Variants in SNIP1 observed in about 807,000 individuals in gnomAD.
SNIP1 encodes the protein Smad nuclear interacting protein 1.
A neutral mutation model predicts 37.4 loss-of-function variants in SNIP1; 23 were observed. That is an observed-to-expected ratio of 0.61 (90% CI 0.44 to 0.87). The LOEUF (loss-of-function observed/expected upper bound fraction) is 0.87. SNIP1 is among the 40% of genes least tolerant of loss of function. SNIP1 has a pLI of 0.00. For missense variants in SNIP1, 459 were observed against 540.4 expected (o/e 0.85, Z 1.49); for synonymous variants, 174 against 200.0 (o/e 0.87, Z 1.10).
chr1:37,537,645 C>T lies in SNIP1; in HGVS notation c.*103G>A. ...AGACTTAAGGCAGTAAGAGGCATTA[C>T]AGAGAGCACCATAGTGCTGGACCCA... On this transcript the variant is annotated 3_prime_UTR_variant, in exon 4 of 4. Coordinates refer to ENST00000296215, the MANE Select transcript of SNIP1 (RefSeq NM_024700.4). 1.6e-6 allele frequency: 2 copies of T among 1,264,310 alleles called. No homozygotes were observed. The highest frequency in any genetic ancestry group is 1.4e-5 in the South Asian group (1 of 69,182). 78.3% of individuals were successfully genotyped at this position (1,264,310 alleles called of 1,614,324 possible). A position where few individuals can be genotyped will look rare whatever the true frequency, so the allele number is the denominator to read the frequency against.
rs1237235034 is a variant in SNIP1 at position 37,540,527 on chromosome 1, G to T, written c.556C>A (p.Arg186=). 3 of 1,613,978 alleles carry T rather than the reference G, an allele frequency of 1.9e-6. No homozygotes were observed. Among genetic ancestry groups the T allele is most frequent in the Non-Finnish European group, 2.5e-6 (3 of 1,180,002 alleles). The change falls in exon 3 of 4, where the codon CGA becomes AGA. Residue 186 remains arginine (R), a synonymous_variant. Transcript: ENST00000296215. This position sits in a 1 kb window ranked among gnomAD's most constrained non-coding sequence, Gnocchi z 5.6. ...TCATTCCTCTGGCGATGCTCCCGTC[G>T]CCTGGCATTATAAAACTCCCGCTCT... ...EEEREFYNAR[R]REHRQRNDVG...
chr1:37,543,071 AG>A (rs1433565682), intron 2 of SNIP1, among the ~76,000 whole-genome samples: 4 of 152,052 alleles, frequency 2.6e-5, no homozygotes, highest in African/African-American at 9.7e-5. Flanking sequence ...AAAAAAAAAA[AG>A]AATTACATGT....
Position 37,537,681 on chromosome 1 carries a change from GCT to G in SNIP1, c.*65_*66del. On this transcript the variant is annotated 3_prime_UTR_variant, in exon 4 of 4. Transcript: ENST00000296215. ...ATAGTGCTGGACCCACCACCATAGT[GCT>G]CTCTGAGTCAATCAAAGACTTCCAA... The G allele has an allele frequency of 6.5e-7, 1 of 1,537,056 alleles. No individual in the cohort carries two copies. The highest frequency in any genetic ancestry group is 1.2e-5 in the South Asian group (1 of 80,098).
intron 1 of SNIP1, among the ~76,000 whole-genome samples, chr1:37,553,032 T>C (rs1253513149): frequency 6.6e-6 from 1 of 152,184 alleles, no homozygotes; most frequent in Non-Finnish European, 1.5e-5. Flanking sequence ...ATCTCGCTGA[T>C]TGGCATCACC....
chr1:37,543,739 T>TA (rs368068801), intron 2 of SNIP1, among the ~76,000 whole-genome samples: 1,858 of 114,804 alleles, frequency 0.016, 40 homozygotes, highest in African/African-American at 0.048. Flanking sequence ...CAAAGGGGGG[T>TA]AAAAAAAAAA....
intron 2 of SNIP1, among the ~76,000 whole-genome samples, chr1:37,548,638 C>G (rs1361085410): frequency 6.7e-6 from 1 of 150,328 alleles, no homozygotes; most frequent in East Asian, 2.0e-4. Context: ...ACTTGGGAGG[C>G]TGAGGCAGGA....
In SNIP1 at chr1:37,552,739, G is replaced by C; in HGVS notation, c.233C>G (p.Pro78Arg). 1 of 1,613,866 alleles carries C rather than the reference G, an allele frequency of 6.2e-7. No individual in the cohort carries two copies. The highest frequency in any genetic ancestry group is 8.5e-7 in the Non-Finnish European group (1 of 1,179,832). ...NRARGVSRSPPKKKNKASGRR... is the reference protein window; with the variant it reads ...NRARGVSRSPRKKKNKASGRR... ...CCCTGAGGCCTTGTTTTTCTTTTTG[G>C]GTGGGGACCTATTCAGAGCATGGTA... Residue 78 changes from proline (P) to arginine (R), a missense_variant, in exon 2 of 4, where the codon CCC (proline) becomes CGC (arginine). Coordinates refer to ENST00000296215, the MANE Select transcript of SNIP1 (RefSeq NM_024700.4).
chr1:37,544,765 G>T lies in SNIP1; in HGVS notation c.328-4010C>A, dbSNP rs934913740. ...GCACAGCCACCGTGGCCACCACCAT[G>T]ACGACTGCGCGTCCCCCTCGCAGGT... On this transcript the variant is annotated intron_variant, in intron 2 of 3. Coordinates refer to ENST00000296215, the MANE Select transcript of SNIP1 (RefSeq NM_024700.4). 1.6e-5 allele frequency: 11 copies of T among 705,282 alleles called. No individual in the cohort carries two copies. In the African/African-American group the frequency reaches 1.9e-4, roughly 12 times the overall value. The allele number at this position is 705,282 out of a possible 1,614,324, so 43.7% of individuals were successfully genotyped here. A position where few individuals can be genotyped will look rare whatever the true frequency, so the allele number is the denominator to read the frequency against.
chr1:37,546,138 G>A (rs1420244376), intron 2 of SNIP1, among the ~76,000 whole-genome samples: 2 of 97,630 alleles, frequency 2.0e-5, no homozygotes, highest in African/African-American at 6.7e-5. Flanking sequence ...GAAGCACTGG[G>A]ACTAAGACCC....
intron 2 of SNIP1, among the ~76,000 whole-genome samples, chr1:37,548,670 C>G (rs12140975): frequency 7.0e-6 from 1 of 142,872 alleles, no homozygotes; most frequent in East Asian, 2.3e-4. Context: ...ACCCAGGAGG[C>G]GGAGGCTGCA....
At chr1:37,550,217 G>A (rs1350060351) in intron 2 of SNIP1, among the ~76,000 whole-genome samples, 4 of 152,112 alleles carry the variant, frequency 2.6e-5, no homozygotes, top group African/African-American at 2.4e-5. Context: ...TCCATAAAAG[G>A]AAAAACAGAT....
chr1:37,543,388 C>T (rs141186444), intron 2 of SNIP1, among the ~76,000 whole-genome samples: 2 of 151,878 alleles, frequency 1.3e-5, no homozygotes, highest in Non-Finnish European at 2.9e-5. Flanking sequence ...AATGTGTTTA[C>T]TGTAATTTCG....
At chr1:37,541,969 C>T (rs1346352798) in intron 2 of SNIP1, among the ~76,000 whole-genome samples, 2 of 96,816 alleles carry the variant, frequency 2.1e-5, no homozygotes, top group Non-Finnish European at 5.2e-5. Flanking sequence ...TTCATTCTTA[C>T]TATCGATCTT....
In SNIP1 at chr1:37,534,515, A is replaced by G. The variant is rs1643061534; in HGVS notation, c.*3233T>C. 1 of 152,196 alleles carries G rather than the reference A, an allele frequency of 6.6e-6. No homozygotes were observed. Among genetic ancestry groups the G allele is most frequent in the Non-Finnish European group, 1.5e-5 (1 of 68,044 alleles). The allele number at this position is 152,196 out of a possible 1,614,324, so 9.4% of individuals were successfully genotyped here. A position where few individuals can be genotyped will look rare whatever the true frequency, so the allele number is the denominator to read the frequency against. The stretch of plus-strand genomic sequence containing the variant: ...CTTTTCACTTGATATAAACTCACAT[A>G]CCCAGGAACACTGTGGGCTCAGAAC... On this transcript the variant is annotated 3_prime_UTR_variant, in exon 4 of 4. Transcript: ENST00000296215.
intron 2 of SNIP1, among the ~76,000 whole-genome samples, chr1:37,551,912 C>T (rs762505770): frequency 6.6e-6 from 1 of 152,178 alleles, no homozygotes; most frequent in African/African-American, 2.4e-5. Context: ...GAACTCTTAA[C>T]GTTCACATAA....
chr1:37,553,150 T>C (rs1488108279), intron 1 of SNIP1, among the ~76,000 whole-genome samples: 2 of 152,216 alleles, frequency 1.3e-5, no homozygotes, highest in Non-Finnish European at 2.9e-5. Context: ...ATCTCATTCC[T>C]ACCACCCACC....
rs1373033722 is a variant in SNIP1, at chr1:37,552,699, A to G, written c.273T>C (p.Ser91=). ...GACTTCGGTTTCTCTTACTGCGAGGAGACTTGCTTCTTCTCCCTGAGGCCT... is the reference window on the plus strand; with the variant it reads ...GACTTCGGTTTCTCTTACTGCGAGGGGACTTGCTTCTTCTCCCTGAGGCCT... ...KNKASGRRSK[S]PRSKRNRSPH... is the part of the protein sequence containing the mutation. Residue 91 remains serine (S), a synonymous_variant, in exon 2 of 4, where the codon TCT becomes TCC. Transcript: ENST00000296215. The G allele has an allele frequency of 6.2e-7, 1 of 1,614,200 alleles. No individual in the cohort carries two copies. Among genetic ancestry groups the G allele is most frequent in the South Asian group, 1.1e-5 (1 of 91,084 alleles).
At chr1:37,551,887 T>C (rs1460521676) in intron 2 of SNIP1, among the ~76,000 whole-genome samples, 1 of 152,188 alleles carries the variant, frequency 6.6e-6, no homozygotes, top group African/African-American at 2.4e-5. Context: ...TCCTGAGCAT[T>C]TATCCCAGAG....
chr1:37,545,215 T>C (rs1373055693), intron 2 of SNIP1: 1 of 675,646 alleles, frequency 1.5e-6, no homozygotes, highest in Non-Finnish European at 2.8e-6. Flanking sequence ...GTGACCAACT[T>C]GCGCAAGATG....
Sources: allele counts gnomAD v4.1 joint callset (sites outside exome capture counted in the v4.1 genomes callset), GRCh38; gene constraint gnomAD v4.1.1; non-coding constraint Gnocchi (gnomAD v3.1); transcripts MANE v1.5; gene names NCBI Gene and HGNC (gene_info 2026-07-23, HGNC 2026-07-21).